The following COPB1 variants were observed in gnomAD, a reference collection of about 807,000 sequenced individuals.
The protein encoded by COPB1 is coat protein complex I subunit beta 1.
COPB1 carries 21 observed loss-of-function variants against 108.7 expected under a neutral mutation model. The ratio of observed to expected loss-of-function variants is 0.19; its 90% confidence interval spans 0.14 to 0.28. The LOEUF (loss-of-function observed/expected upper bound fraction) is 0.28. Ranked by LOEUF, COPB1 falls within the 10% of genes least tolerant of loss-of-function variation. The probability of loss-of-function intolerance (pLI) is 1.00; values close to 1 mark genes in which losing one functional copy is unlikely to be tolerated. For missense variants in COPB1, 919 were observed against 1,141.3 expected, an observed-to-expected ratio of 0.81 and a Z score of 2.81; for synonymous variants, 378 against 386.8, an observed-to-expected ratio of 0.98 and a Z score of 0.27.
intron 18 of COPB1, among the ~76,000 whole-genome samples, chr11:14,462,379 C>A (rs1284608157): frequency 1.3e-5 from 2 of 152,010 alleles, no homozygotes; most frequent in Non-Finnish European, 2.9e-5. Context: ...ACCACAGGCG[C>A]CTGCCACCGC....
At chr11:14,496,198 G>A (rs1158276531) in intron 2 of COPB1, among the ~76,000 whole-genome samples, 1 of 152,086 alleles carries the variant, frequency 6.6e-6, no homozygotes, top group Non-Finnish European at 1.5e-5. Flanking sequence ...ATCAGTTTAA[G>A]TTGTATTTAT....
intron 18 of COPB1, among the ~76,000 whole-genome samples, chr11:14,463,186 C>A (rs948963916): frequency 1.3e-5 from 2 of 152,178 alleles, no homozygotes; most frequent in African/African-American, 2.4e-5. Flanking sequence ...CTCCTTTGAC[C>A]AAGCTTTCAG....
chr11:14,493,783 C>T lies in COPB1; in HGVS notation c.350G>A (p.Arg117Gln), dbSNP rs1000680755. Residue 117 changes from arginine (R) to glutamine (Q), a missense_variant, in exon 4 of 22, where the codon CGA (arginine) becomes CAA (glutamine). Physicochemically the swap from Arg to Gln is conservative, Grantham distance 43. Transcript: ENST00000439561. ...GCAAAGAAAACGAAGAGTAGATCCT[C>T]GAATAAATTCATTAGGATGTTGAAG... ...KDLQHPNEFI[R>Q]GSTLRFLCKL... 6.2e-6 allele frequency: 10 copies of T among 1,606,792 alleles called. No individual in the cohort carries two copies. Among genetic ancestry groups the T allele is most frequent in the African/African-American group, 5.4e-5 (4 of 74,572 alleles).
Position 14,475,822 on chromosome 11 carries a change from G to T in COPB1, c.1579C>A (p.Leu527Ile). Residue 527 changes from leucine to isoleucine, a missense_variant, in exon 13 of 22, where the codon CTT becomes ATT. By Grantham distance (5) the Leu-to-Ile change is conservative (BLOSUM62 2). This residue lies in a region of COPB1 where 705 missense variants were observed against 817.8 expected (regional missense o/e 0.86). Transcript: ENST00000439561. ...TTCTTGGTGGGTCTAGAACTGCTAAGGGCACTCTGAGTTGCATAGGTACCC... is the reference window on the plus strand; with the variant it reads ...TTCTTGGTGGGTCTAGAACTGCTAATGGCACTCTGAGTTGCATAGGTACCC... ...EMGTYATQSA[L>I]SSSRPTKKEE... 1 of 1,612,818 alleles carries T rather than the reference G, an allele frequency of 6.2e-7. No homozygotes were observed. Among genetic ancestry groups the T allele is most frequent in the Non-Finnish European group, 8.5e-7 (1 of 1,179,530 alleles).
At chr11:14,473,606 C>A (rs530761434) in intron 14 of COPB1, among the ~76,000 whole-genome samples, 4 of 152,086 alleles carry the variant, frequency 2.6e-5, no homozygotes, top group Admixed American at 6.6e-5. Context: ...TTATTGATTA[C>A]GTTTACTATT....
intron 2 of COPB1, among the ~76,000 whole-genome samples, chr11:14,497,291 T>C (rs2096762557): frequency 6.6e-6 from 1 of 150,984 alleles, no homozygotes; most frequent in African/African-American, 2.4e-5. Context: ...TAACTACCTA[T>C]CTCACAAGGG....
In COPB1 at chr11:14,477,896, C is replaced by CAAACAA. The variant is rs1317830947; in HGVS notation, c.1359-882_1359-881insTTGTTT. Among the ~76,000 whole-genome samples, 4 of 59,934 alleles carry CAAACAA rather than the reference C, an allele frequency of 6.7e-5. No individual in the cohort carries two copies. In the East Asian group the frequency reaches 2.2e-3, roughly 33 times the overall value. The allele number at this position is 59,934 out of a possible 152,430, so 39.3% of individuals were successfully genotyped here. ...TGTGAGACAGAGCAAGACTCCATCT[C>CAAACAA]AAAAAAAAAAAAAAAAAAAGAACTG... On this transcript the variant is annotated intron_variant, in intron 11 of 21. Transcript: ENST00000439561.
At chr11:14,482,776 T>G (rs780636735) in intron 8 of COPB1, among the ~76,000 whole-genome samples, 1 of 152,204 alleles carries the variant, frequency 6.6e-6, no homozygotes, top group Non-Finnish European at 1.5e-5. Flanking sequence ...CCTCAGATGA[T>G]GTGCCCGCCT....
chr11:14,475,667 T>C, intron 13 of COPB1, 118 bp downstream of exon 13: 9 of 1,063,632 alleles, frequency 8.5e-6, no homozygotes, highest in Non-Finnish European at 1.0e-5. Flanking sequence ...GTACCTTAAA[T>C]GGCAAAGATT....
intron 2 of COPB1, among the ~76,000 whole-genome samples, chr11:14,496,924 G>A (rs1851034014): frequency 6.6e-6 from 1 of 152,124 alleles, no homozygotes; most frequent in African/African-American, 2.4e-5. Flanking sequence ...TTTGACAAAG[G>A]TGCCAAGAAC....
At chr11:14,493,331 C>T (rs1850949708) in intron 4 of COPB1, among the ~76,000 whole-genome samples, 1 of 152,108 alleles carries the variant, frequency 6.6e-6, no homozygotes, top group Non-Finnish European at 1.5e-5. Flanking sequence ...AGAGGCTAAG[C>T]AAGTGAACAT....
Position 14,457,684 on chromosome 11 carries a change from A to G in COPB1, c.*140T>C. On this transcript the variant is annotated 3_prime_UTR_variant, in exon 22 of 22. Transcript: ENST00000439561. ...TTTAAACTCAATCTTGATTTAAGGG[A>G]AAGGCTATAAATTATTGGCTGAAAA... is the stretch of plus-strand genomic sequence containing the variant. 1 of 674,764 alleles carries G rather than the reference A, an allele frequency of 1.5e-6. No individual in the cohort carries two copies. Among genetic ancestry groups the G allele is most frequent in the Non-Finnish European group, 2.7e-6 (1 of 372,416 alleles). The allele number at this position is 674,764 out of a possible 1,614,324, so 41.8% of individuals were successfully genotyped here.
chr11:14,493,900 T>C, intron 3 of COPB1, 89 bp from the exon 4 acceptor site: 1 of 1,184,356 alleles, frequency 8.4e-7, no homozygotes, highest in South Asian at 1.7e-5. Context: ...GGAAAAAAAA[T>C]ACGTTTGAGA....
chr11:14,459,365 G>A (rs1002383158), intron 20 of COPB1, among the ~76,000 whole-genome samples: 1 of 152,028 alleles, frequency 6.6e-6, no homozygotes, highest in East Asian at 1.9e-4. Context: ...AAACCTACTT[G>A]TTTGGTAGCA....
At chr11:14,485,377 G>C (rs942117634) in intron 7 of COPB1, among the ~76,000 whole-genome samples, 1 of 151,936 alleles carries the variant, frequency 6.6e-6, no homozygotes, top group African/African-American at 2.4e-5. Flanking sequence ...TTGTTGCCCA[G>C]GCTGGTCTCA....
chr11:14,471,035 C>T (rs1221183390), intron 14 of COPB1, among the ~76,000 whole-genome samples: 1 of 151,200 alleles, frequency 6.6e-6, no homozygotes, highest in African/African-American at 2.4e-5. Context: ...TTTTACACTA[C>T]TGGGAAAAAA....
intron 7 of COPB1, 142 bp from the exon 8 acceptor site, chr11:14,483,293 C>T: frequency 2.0e-6 from 1 of 489,592 alleles, no homozygotes; most frequent in East Asian, 3.0e-5. Context: ...ATTAATTAAT[C>T]CCTGTACTAG....
chr11:14,497,021 C>T (rs1851036685), intron 2 of COPB1, among the ~76,000 whole-genome samples: 1 of 152,142 alleles, frequency 6.6e-6, no homozygotes, highest in Non-Finnish European at 1.5e-5. Flanking sequence ...CATCTCTCAA[C>T]TTACACAAAA....
intron 2 of COPB1, among the ~76,000 whole-genome samples, chr11:14,497,232 A>C (rs1442270647): frequency 6.6e-6 from 1 of 152,138 alleles, no homozygotes; most frequent in Admixed American, 6.6e-5. Context: ...CAAAGGAAAC[A>C]ATCGACATAC....
Sources: gnomAD v4.1 joint callset for allele counts (sites outside exome capture counted in the v4.1 genomes callset) on GRCh38, gnomAD v4.1.1 for gene constraint, gnomAD v4.1.1 regional missense constraint, MANE v1.5 for transcripts, NCBI Gene and HGNC (gene_info 2026-07-23, HGNC 2026-07-21) for gene names.